The following ERG variants were observed in gnomAD, a reference collection of about 807,000 sequenced individuals.
ERG encodes ETS transcription factor ERG, also known as transcriptional regulator ERG.
ERG carries 9 observed loss-of-function variants against 55.3 expected under a neutral mutation model. That is an observed-to-expected ratio of 0.16 (90% confidence interval 0.10 to 0.28). The LOEUF is 0.28. Among genes scored for constraint, ERG ranks in the 10% least tolerant of loss-of-function variants. The probability of loss-of-function intolerance (pLI) is 1.00; values close to 1 mark genes in which losing one functional copy is unlikely to be tolerated. For synonymous variants in ERG, 223 were observed against 237.3 expected, an observed-to-expected ratio of 0.94 and a Z score of 0.55; for missense variants, 434 against 631.6, an observed-to-expected ratio of 0.69 and a Z score of 3.35.
At chr21:38,594,080 G>C (rs548258775) in intron 1 of ERG, among the ~76,000 whole-genome samples, 3 of 152,192 alleles carry the variant, frequency 2.0e-5, no homozygotes, top group African/African-American at 7.2e-5. Flanking sequence ...GAATTTCAAA[G>C]AACCTTGAAC....
intron 1 of ERG, among the ~76,000 whole-genome samples, chr21:38,496,772 ATTTGGATGT>A (rs1568855314): frequency 6.6e-6 from 1 of 152,196 alleles, no homozygotes; most frequent in African/African-American, 2.4e-5. Flanking sequence ...AGTATAACAC[ATTTGGATGT>A]TTTGCAAAAT....
chr21:38,376,620 T>C (rs1987250094), downstream of ERG, among the ~76,000 whole-genome samples: 1 of 152,238 alleles, frequency 6.6e-6, no homozygotes, highest in African/African-American at 2.4e-5. Flanking sequence ...GGAACAGCCA[T>C]TTATTCTCCT....
At chr21:38,566,308 G>T (rs1408368438) in intron 2 of ERG, among the ~76,000 whole-genome samples, 2 of 152,146 alleles carry the variant, frequency 1.3e-5, no homozygotes, top group African/African-American at 4.8e-5. Flanking sequence ...CTAATTTAGT[G>T]TCCTGAACCA....
chr21:38,536,480 G>A (rs2059711304), intron 2 of ERG, among the ~76,000 whole-genome samples: 1 of 152,034 alleles, frequency 6.6e-6, no homozygotes, highest in South Asian at 2.1e-4. Flanking sequence ...CCTCCTCTGG[G>A]ACGTCAGCGT....
At position 38,460,117 on chromosome 21, in the gene ERG, G is replaced by GC. The variant is rs1324621526; in HGVS notation, c.19-14497dup. On this transcript the variant is annotated intron_variant, in intron 1 of 9. Coordinates refer to ENST00000288319, the MANE Select transcript of ERG (RefSeq NM_182918.4). This position sits in a 1 kb window ranked among gnomAD's most constrained non-coding sequence, Gnocchi z 5.0. ...GCCCCCATGCATTCATGAAGAATAGGCCTTCCAGCCTTGGCAACAGCTAGA... is the reference window on the plus strand; with the variant it reads ...GCCCCCATGCATTCATGAAGAATAGGCCCTTCCAGCCTTGGCAACAGCTAGA... 6.6e-6 allele frequency among the ~76,000 whole-genome samples: 1 copy of GC among 152,182 alleles called. No individual in the cohort carries two copies. Among genetic ancestry groups the GC allele is most frequent in the Non-Finnish European group, 1.5e-5 (1 of 68,034 alleles).
chr21:38,639,518 G>T (rs1365329118), intron 1 of ERG, among the ~76,000 whole-genome samples: 1 of 151,960 alleles, frequency 6.6e-6, no homozygotes, highest in Non-Finnish European at 1.5e-5. Flanking sequence ...ATTTAAAAAT[G>T]GAAGAGAAAA....
At chr21:38,482,167 C>T (rs1250990149) in intron 1 of ERG, among the ~76,000 whole-genome samples, 1 of 152,194 alleles carries the variant, frequency 6.6e-6, no homozygotes, top group African/African-American at 2.4e-5. Context: ...AGATTCTGGG[C>T]AGCCCCCGGT....
intron 2 of ERG, among the ~76,000 whole-genome samples, chr21:38,513,510 A>G (rs2059529999): frequency 6.6e-6 from 1 of 152,218 alleles, no homozygotes; most frequent in South Asian, 2.1e-4. Flanking sequence ...CATTTTGGGC[A>G]TTGAGGATTC....
At chr21:38,542,195 G>T in intron 2 of ERG, among the ~76,000 whole-genome samples, 1 of 151,942 alleles carries the variant, frequency 6.6e-6, no homozygotes, top group Admixed American at 6.6e-5. Flanking sequence ...TCACTGTGTT[G>T]GCCAGGCTGG....
Position 38,545,703 on chromosome 21 carries a change from G to A in ERG, c.-41+29959C>T, listed in dbSNP as rs1412732923. 2.0e-5 allele frequency among the ~76,000 whole-genome samples: 3 copies of A among 152,128 alleles called. No individual in the cohort carries two copies. In the East Asian group the frequency reaches 5.8e-4, roughly 29 times the overall value. ...TGATAGAGACCATCAACATGCCTTG[G>A]CATTTTGCCTGCTTTCTCTTCAATT... On this transcript the variant is annotated intron_variant, in intron 2 of 8. Transcript: ENST00000398897.
chr21:38,574,797 A>C (rs1346275351), intron 2 of ERG, among the ~76,000 whole-genome samples: 1 of 152,242 alleles, frequency 6.6e-6, no homozygotes, highest in Non-Finnish European at 1.5e-5. Context: ...AAAATGAATT[A>C]GTATGGGGAA....
intron 2 of ERG, among the ~76,000 whole-genome samples, chr21:38,443,741 G>A (rs2058863239): frequency 1.3e-5 from 2 of 151,278 alleles, no homozygotes; most frequent in African/African-American, 4.9e-5. Context: ...AGGTCCTTCT[G>A]TAACTCCAGG....
intron 3 of ERG, among the ~76,000 whole-genome samples, chr21:38,415,662 A>G (rs2146484688): frequency 6.6e-6 from 1 of 152,268 alleles, no homozygotes; most frequent in African/African-American, 2.4e-5. Flanking sequence ...TCTGGGCCTG[A>G]GAATAGGCTC....
intron 1 of ERG, among the ~76,000 whole-genome samples, chr21:38,482,560 A>G (rs1429631300): frequency 1.3e-5 from 2 of 152,356 alleles, no homozygotes; most frequent in Non-Finnish European, 1.5e-5. Context: ...AGATACCCGC[A>G]GTGCCATATT....
At chr21:38,535,856 C>T (rs2836481) in intron 2 of ERG, among the ~76,000 whole-genome samples, 60,896 of 152,054 alleles carry the variant, frequency 0.4, 13,109 homozygotes, top group Non-Finnish European at 0.49. Flanking sequence ...ACAGATAAAA[C>T]GCTATGGGAT....
intron 1 of ERG, among the ~76,000 whole-genome samples, chr21:38,619,776 A>C (rs2060279378): frequency 6.6e-6 from 1 of 152,250 alleles, no homozygotes; most frequent in South Asian, 2.1e-4. Flanking sequence ...CATCATTGTC[A>C]TCACTTTCCA....
intron 2 of ERG, among the ~76,000 whole-genome samples, chr21:38,428,968 G>A (rs1942598011): frequency 6.6e-6 from 1 of 152,090 alleles, no homozygotes; most frequent in Admixed American, 6.5e-5. Flanking sequence ...TGATTTCTGA[G>A]ATTTTGTTGC....
intron 1 of ERG, among the ~76,000 whole-genome samples, chr21:38,625,980 T>C (rs2060322281): frequency 7.3e-6 from 1 of 136,684 alleles, no homozygotes; most frequent in Non-Finnish European, 1.5e-5. Flanking sequence ...TGGAGTGCAG[T>C]GGCGTGATCT....
At chr21:38,556,482 A>G (rs2059858972) in intron 2 of ERG, among the ~76,000 whole-genome samples, 1 of 152,178 alleles carries the variant, frequency 6.6e-6, no homozygotes, top group Admixed American at 6.5e-5. Context: ...TGAGCCAATC[A>G]CATTTCTGCA....
Sources: allele counts gnomAD v4.1 joint callset (sites outside exome capture counted in the v4.1 genomes callset), GRCh38; gene constraint gnomAD v4.1.1; non-coding constraint Gnocchi (gnomAD v3.1); transcripts MANE v1.5; gene names NCBI Gene and HGNC (gene_info 2026-07-23, HGNC 2026-07-21).